Variants in JARID2 observed in about 807,000 individuals in gnomAD.
JARID2 encodes protein Jumonji.
A neutral mutation model predicts 125.6 loss-of-function variants in JARID2; 21 were observed. That is an observed-to-expected ratio of 0.17 (90% CI 0.12 to 0.24). JARID2 has a LOEUF of 0.24. JARID2 is among the 10% of genes least tolerant of loss of function. The pLI is 1.00. For missense variants in JARID2, 1,303 were observed against 1,639.6 expected, an observed-to-expected ratio of 0.79 and a Z score of 3.55; for synonymous variants, 736 against 661.6, an observed-to-expected ratio of 1.11 and a Z score of -1.73.
intron 3 of JARID2, among the ~76,000 whole-genome samples, chr6:15,412,973 C>T (rs12207491): frequency 2.7e-5 from 3 of 110,008 alleles, no homozygotes; most frequent in Non-Finnish European, 3.7e-5. Context: ...TTTTAAATTT[C>T]TGAAACATTA....
intron 2 of JARID2, among the ~76,000 whole-genome samples, chr6:15,407,926 G>A (rs919718653): frequency 6.6e-6 from 1 of 151,920 alleles, no homozygotes; most frequent in African/African-American, 2.4e-5. Context: ...TGCCTTCTGT[G>A]CTTTATTCTC....
At chr6:15,406,161 C>T (rs1433434526) in intron 2 of JARID2, among the ~76,000 whole-genome samples, 3 of 152,152 alleles carry the variant, frequency 2.0e-5, no homozygotes, top group African/African-American at 7.2e-5. Flanking sequence ...CCTGGCCAGG[C>T]GCGGTGGCTC....
At chr6:15,376,561 G>GTAA (rs897079041) in intron 2 of JARID2, among the ~76,000 whole-genome samples, 1 of 151,984 alleles carries the variant, frequency 6.6e-6, no homozygotes, top group African/African-American at 2.4e-5. Context: ...CCAAATAATA[G>GTAA]TAATAATAAT....
chr6:15,395,184 G>T (rs891082129), intron 2 of JARID2, among the ~76,000 whole-genome samples: 8 of 152,176 alleles, frequency 5.3e-5, no homozygotes, highest in African/African-American at 1.9e-4. Flanking sequence ...GATTTTATCA[G>T]TTAATCACAC....
At chr6:15,474,043 C>G (rs1268463100) in intron 5 of JARID2, among the ~76,000 whole-genome samples, 1 of 152,186 alleles carries the variant, frequency 6.6e-6, no homozygotes, top group Non-Finnish European at 1.5e-5. Flanking sequence ...GTGCTGCCTT[C>G]CCCAGTCTAT....
chr6:15,348,491 C>T (rs7753636), intron 1 of JARID2, among the ~76,000 whole-genome samples: 13,145 of 152,166 alleles, frequency 0.086, 636 homozygotes, highest in East Asian at 0.2. Context: ...ATTTTATAAA[C>T]TTCCATGGGC....
intron 3 of JARID2, among the ~76,000 whole-genome samples, chr6:15,426,690 C>T (rs971149095): frequency 1.3e-5 from 2 of 152,140 alleles, no homozygotes; most frequent in African/African-American, 2.4e-5. Context: ...CCTGTCTTCA[C>T]CTTAGTAAAT....
At chr6:15,305,886 T>C (rs1452424345) in intron 1 of JARID2, among the ~76,000 whole-genome samples, 2 of 152,238 alleles carry the variant, frequency 1.3e-5, no homozygotes, top group Admixed American at 6.5e-5. Context: ...CTTTAGGTAT[T>C]TGTGTTATAT....
chr6:15,395,884 T>TAATCTCCTG (rs768107543), intron 2 of JARID2, among the ~76,000 whole-genome samples: 20 of 151,798 alleles, frequency 1.3e-4, no homozygotes, highest in Non-Finnish European at 2.4e-4. Flanking sequence ...AGGATGGTCT[T>TAATCTCCTG]AATCTCCTGA....
At chr6:15,376,680 C>T (rs1235778954) in intron 2 of JARID2, among the ~76,000 whole-genome samples, 4 of 152,178 alleles carry the variant, frequency 2.6e-5, no homozygotes, top group African/African-American at 9.7e-5. Context: ...GCTATGTTCA[C>T]ACCACTGTAT....
At chr6:15,487,224 GAC>G in intron 5 of JARID2, 81 bp from the exon 6 acceptor site, 1 of 1,163,062 alleles carries the variant, frequency 8.6e-7, no homozygotes, top group Non-Finnish European at 1.2e-6. Flanking sequence ...TTTGGGTGGG[GAC>G]ACAGAGCCAA....
intron 1 of JARID2, among the ~76,000 whole-genome samples, chr6:15,365,552 G>T (rs1763945656): frequency 6.6e-6 from 1 of 151,992 alleles, no homozygotes; most frequent in Non-Finnish European, 1.5e-5. Flanking sequence ...CGGAGATTCA[G>T]CCTGTCAGAG....
intron 9 of JARID2, among the ~76,000 whole-genome samples, chr6:15,505,910 C>T (rs930721450): frequency 2.0e-5 from 3 of 152,224 alleles, no homozygotes; most frequent in Non-Finnish European, 4.4e-5. Context: ...TGGGGCTGAG[C>T]GTTGGACCTG....
intron 2 of JARID2, among the ~76,000 whole-genome samples, chr6:15,389,223 C>T (rs939924445): frequency 3.3e-5 from 5 of 152,166 alleles, no homozygotes; most frequent in South Asian, 2.1e-4. Flanking sequence ...TGCAGTGACA[C>T]GATCTCAGCT....
At chr6:15,329,577 A>G (rs1020131269) in intron 1 of JARID2, among the ~76,000 whole-genome samples, 2 of 152,138 alleles carry the variant, frequency 1.3e-5, no homozygotes, top group African/African-American at 4.8e-5. Flanking sequence ...TCTCCCTTTC[A>G]TGAATGCAGC....
intron 3 of JARID2, among the ~76,000 whole-genome samples, chr6:15,415,517 GCCGGGCAGAGGCGCCCCTCACCTC>G (rs70996547): frequency 0.03 from 4,043 of 135,638 alleles, 131 homozygotes; most frequent in African/African-American, 0.073. Flanking sequence ...AGTAGGGGCT[GCCGGGCAGAGGCGCCCCTCACCTC>G]CCGGGCAGAG....
intron 1 of JARID2, among the ~76,000 whole-genome samples, chr6:15,337,057 A>G (rs1176600113): frequency 3.9e-5 from 6 of 152,154 alleles, no homozygotes. Flanking sequence ...GGGTGAGTGT[A>G]AACGAATGCG....
At chr6:15,349,484 A>G (rs753142440) in intron 1 of JARID2, among the ~76,000 whole-genome samples, 5 of 152,196 alleles carry the variant, frequency 3.3e-5, no homozygotes, top group Non-Finnish European at 7.3e-5. Flanking sequence ...AGGATTGTTC[A>G]GTCTGGAGGA....
At chr6:15,287,979 T>C (rs1761065663) in intron 1 of JARID2, among the ~76,000 whole-genome samples, 1 of 152,216 alleles carries the variant, frequency 6.6e-6, no homozygotes, top group African/African-American at 2.4e-5. Flanking sequence ...TGAATACTTG[T>C]ATCTTGGATG....
Sources: gnomAD v4.1 joint callset for allele counts (sites outside exome capture counted in the v4.1 genomes callset) on GRCh38, gnomAD v4.1.1 for gene constraint, MANE v1.5 for transcripts, NCBI Gene and HGNC (gene_info 2026-07-23, HGNC 2026-07-21) for gene names.